Variants in LRWD1 observed in about 807,000 individuals in gnomAD.
LRWD1 encodes the protein leucine-rich repeat and WD repeat-containing protein 1.
In LRWD1, 76 loss-of-function variants were observed where a neutral mutation model predicts 75.6. That is an observed-to-expected ratio of 1.01 (90% CI 0.84 to 1.22). The LOEUF (loss-of-function observed/expected upper bound fraction) is 1.22, where lower values mean the gene tolerates loss of function less well. Ranked by LOEUF, LRWD1 falls within the 50% of genes most tolerant of loss-of-function variation. The pLI is 0.00. For missense variants in LRWD1, 917 were observed against 862.0 expected (o/e 1.06, Z -0.80); for synonymous variants, 487 against 377.0 (o/e 1.29, Z -3.38).
Position 102,465,955 on chromosome 7 carries a change from C to T in LRWD1, c.219C>T (p.Val73=), listed in dbSNP as rs1310846249. 1.2e-6 allele frequency: 2 copies of T among 1,613,838 alleles called. No individual in the cohort carries two copies. The highest frequency in any genetic ancestry group is 1.7e-5 in the Admixed American group (1 of 60,006). Residue 73 remains valine, a synonymous_variant, in exon 2 of 15, where the codon GTC becomes GTT. Transcript: ENST00000292616. ...PDNLGLSHLR[V]LRCANNQLGD... is the part of the protein sequence containing the mutation. The stretch of plus-strand genomic sequence containing the variant: ...ACCTGGGCCTGTCCCACCTGCGTGT[C>T]CTCCGCTGCGCCAACAACCAGCTGG...
rs199913537 is a variant in LRWD1, at chr7:102,472,672, C to G, written c.1691-20C>G. The G allele has an allele frequency of 6.2e-7, 1 of 1,613,302 alleles. No individual in the cohort carries two copies. ...TCCGGGAGCTCTGCCCCCACTCAGA[C>G]TCCACCTCTGTCCCGGCAGATAAGG... On this transcript the variant is annotated intron_variant, in intron 13 of 14. Coordinates refer to ENST00000292616, the MANE Select transcript of LRWD1 (RefSeq NM_152892.3).
chr7:102,465,072 C>T lies in LRWD1; in HGVS notation c.-9C>T. 2 of 1,483,094 alleles carry T rather than the reference C, an allele frequency of 1.3e-6. No individual in the cohort carries two copies. The highest frequency in any genetic ancestry group is 1.8e-6 in the Non-Finnish European group (2 of 1,118,384). 91.9% of individuals were successfully genotyped at this position (1,483,094 alleles called of 1,614,324 possible). A position where few individuals can be genotyped will look rare whatever the true frequency, so the allele number is the denominator to read the frequency against. On this transcript the variant is annotated 5_prime_UTR_variant, in exon 1 of 15. Transcript: ENST00000292616. ...CCGACTGGGTCAGCGCGGGCTGCGCCTCCTCGCCATGGGCCCCCTCTCGGC... is the reference window on the plus strand; with the variant it reads ...CCGACTGGGTCAGCGCGGGCTGCGCTTCCTCGCCATGGGCCCCCTCTCGGC...
intron 7 of LRWD1, 81 bp from the exon 8 acceptor site, chr7:102,468,473 A>G: frequency 6.5e-7 from 1 of 1,540,566 alleles, no homozygotes; most frequent in Non-Finnish European, 8.8e-7. Context: ...GGCGCCATCA[A>G]GGCTGGGAGG....
rs757234013 is a variant in LRWD1 at position 102,472,527 on chromosome 7, G to A, written c.1608G>A (p.Gln536=). 6.3e-7 allele frequency: 1 copy of A among 1,577,318 alleles called. No individual in the cohort carries two copies. Among genetic ancestry groups the A allele is most frequent in the Non-Finnish European group, 8.6e-7 (1 of 1,163,118 alleles). ...WRQTWGGRGS[Q]STVAVVVLAR... is the part of the protein sequence containing the mutation. ...AGACGTGGGGGGGCCGGGGCAGCCA[G>A]TCCACGGTGGCAGTGGTGGTCCTGG... is the stretch of plus-strand genomic sequence containing the variant. Residue 536 remains glutamine, a synonymous_variant, in exon 13 of 15, where the codon CAG becomes CAA. Coordinates refer to ENST00000292616, the MANE Select transcript of LRWD1 (RefSeq NM_152892.3).
chr7:102,467,176 G>GTGTGTATGTGTA (rs1563654278), intron 3 of LRWD1, among the ~76,000 whole-genome samples, 163 bp from the exon 4 acceptor site: 19 of 102,798 alleles, frequency 1.8e-4, no homozygotes, highest in Non-Finnish European at 4.3e-5. Flanking sequence ...TGTGGGGTGT[G>GTGTGTATGTGTA]TGTGTGTGTG....
chr7:102,467,598 C>G, intron 4 of LRWD1, 119 bp downstream of exon 4: 1 of 1,524,500 alleles, frequency 6.6e-7, no homozygotes. Context: ...GGTGGGCAGC[C>G]CTGTTGGCTG....
rs1190528497 is a variant in LRWD1, at chr7:102,473,065, A to G, written c.*16A>G. The G allele has an allele frequency of 3.1e-6, 5 of 1,598,826 alleles. No homozygotes were observed. In the African/African-American group the frequency reaches 4.0e-5, roughly 13 times the overall value. On this transcript the variant is annotated 3_prime_UTR_variant, in exon 15 of 15. Coordinates refer to ENST00000292616, the MANE Select transcript of LRWD1 (RefSeq NM_152892.3). ...GAGGATGTAGCCTCACACCATCGCA[A>G]AGGACCAGGGACACAGCTAACTAAC...
chr7:102,467,241 C>T, intron 3 of LRWD1, 98 bp from the exon 4 acceptor site: 1 of 1,303,538 alleles, frequency 7.7e-7, no homozygotes, highest in South Asian at 1.3e-5. Flanking sequence ...TTCCAGGAGG[C>T]TTCCAGCAGG....
chr7:102,467,354 G>A lies in LRWD1; in HGVS notation c.448G>A (p.Glu150Lys), dbSNP rs1249878121. ...ELTSRVTAHW[E>K]KFMATLGPEE... ...CTTGCACCAGGTCACAGCTCACTGG[G>A]AGAAGTTCATGGCCACACTGGGTCC... The change falls in exon 4 of 15, where the codon GAG becomes AAG. Residue 150 changes from glutamate to lysine, a missense_variant. Coordinates refer to ENST00000292616, the MANE Select transcript of LRWD1 (RefSeq NM_152892.3). 1.2e-6 allele frequency: 2 copies of A among 1,609,946 alleles called. No homozygotes were observed. The highest frequency in any genetic ancestry group is 1.3e-5 in the African/African-American group (1 of 74,788).
In LRWD1 at chr7:102,469,676, C is replaced by T. The variant is rs754421405; in HGVS notation, c.1301+30C>T. On this transcript the variant is annotated intron_variant, in intron 10 of 14. Coordinates refer to ENST00000292616, the MANE Select transcript of LRWD1 (RefSeq NM_152892.3). ...TGCTTCGGGTGAGGCTGGGGAGTGG[C>T]CAGCTGCTGGGGCAGGGACACCTCG... 6.8e-6 allele frequency: 11 copies of T among 1,613,862 alleles called. No individual in the cohort carries two copies. In the African/African-American group the frequency reaches 1.2e-4, roughly 18 times the overall value.
chr7:102,468,525 C>T (rs774155561), intron 7 of LRWD1, 29 bp from the exon 8 acceptor site: 5 of 1,554,474 alleles, frequency 3.2e-6, no homozygotes, highest in African/African-American at 1.4e-5. Flanking sequence ...TGTCTCTGCT[C>T]ATCCGACCTC....
intron 3 of LRWD1, among the ~76,000 whole-genome samples, 183 bp downstream of exon 3, chr7:102,466,453 C>T (rs1026070373): frequency 6.6e-6 from 1 of 152,168 alleles, no homozygotes; most frequent in Admixed American, 6.6e-5. Flanking sequence ...CTCACTCCGT[C>T]GCCCAGGCTG....
Position 102,468,375 on chromosome 7 carries a change from A to C in LRWD1, c.917A>C (p.Glu306Ala). Reference sequence around the variant, plus strand: ...TGTGCCTTCGAGCCGGCCTGGGAGGAGGGTACATGGTGGCGGGCAGGCGGG... The same window carrying C: ...TGTGCCTTCGAGCCGGCCTGGGAGGCGGGTACATGGTGGCGGGCAGGCGGG... ...WACAFEPAWEEGATSQTVATC... is the reference protein window; with the variant it reads ...WACAFEPAWEAGATSQTVATC... The change falls in exon 7 of 15, where the codon GAG becomes GCG. Residue 306 changes from glutamate to alanine, a missense_variant and splice_region_variant. By Grantham distance (107) the Glu-to-Ala change is moderately radical. Coordinates refer to ENST00000292616, the MANE Select transcript of LRWD1 (RefSeq NM_152892.3). 1 of 1,604,714 alleles carries C rather than the reference A, an allele frequency of 6.2e-7. No homozygotes were observed. Among genetic ancestry groups the C allele is most frequent in the Non-Finnish European group, 8.5e-7 (1 of 1,176,264 alleles).
Position 102,469,081 on chromosome 7 carries a change from C to T in LRWD1, c.1228+19C>T, listed in dbSNP as rs966660735. 7 of 1,562,988 alleles carry T rather than the reference C, an allele frequency of 4.5e-6. No homozygotes were observed. The highest frequency in any genetic ancestry group is 6.1e-6 in the Non-Finnish European group (7 of 1,151,418). ...CTCTTCAGTAAGCCCCTCCCCTTCACCCCTGGGACCCCCAAGCACCCCTGT... is the reference window on the plus strand; with the variant it reads ...CTCTTCAGTAAGCCCCTCCCCTTCATCCCTGGGACCCCCAAGCACCCCTGT... On this transcript the variant is annotated intron_variant, in intron 9 of 14. Coordinates refer to ENST00000292616, the MANE Select transcript of LRWD1 (RefSeq NM_152892.3).
At chr7:102,469,423 C>A (rs1798119041) in intron 9 of LRWD1, 151 bp from the exon 10 acceptor site, 1 of 832,888 alleles carries the variant, frequency 1.2e-6, no homozygotes, top group Non-Finnish European at 1.9e-6. Context: ...GGATTGGGGG[C>A]CCAGGAGTGT....
At position 102,469,808 on chromosome 7, in the gene LRWD1, C is replaced by A; in HGVS notation, c.1368C>A (p.Asp456Glu). 6.2e-7 allele frequency: 1 copy of A among 1,607,722 alleles called. No individual in the cohort carries two copies. The highest frequency in any genetic ancestry group is 8.5e-7 in the Non-Finnish European group (1 of 1,177,232). ...TCTGCCCTGTCGCCTCCTGCCCGGA[C>A]GCCCGCCTGCTGGCCGGCTGCGAGG... is the stretch of plus-strand genomic sequence containing the variant. ...LRLCPVASCP[D>E]ARLLAGCEGG... The change falls in exon 11 of 15, where the codon GAC becomes GAA. Residue 456 changes from aspartate (D) to glutamate (E), a missense_variant. By Grantham distance (45) the Asp-to-Glu change is conservative (BLOSUM62 2). Coordinates refer to ENST00000292616, the MANE Select transcript of LRWD1 (RefSeq NM_152892.3).
intron 4 of LRWD1, 74 bp from the exon 5 acceptor site, chr7:102,467,645 C>T: frequency 6.6e-7 from 1 of 1,513,804 alleles, no homozygotes; most frequent in Non-Finnish European, 9.0e-7. Context: ...CATAAGCTCC[C>T]CCTGACTATG....
chr7:102,469,681 T>C, intron 10 of LRWD1, 35 bp downstream of exon 10: 1 of 1,614,044 alleles, frequency 6.2e-7, no homozygotes, highest in South Asian at 1.1e-5. Flanking sequence ...AGTGGCCAGC[T>C]GCTGGGGCAG....
At chr7:102,469,446 G>A in intron 9 of LRWD1, 128 bp from the exon 10 acceptor site, 1 of 1,043,518 alleles carries the variant, frequency 9.6e-7, no homozygotes, top group Non-Finnish European at 1.4e-6. Context: ...CTGTCTCCTA[G>A]CCTCGGCCCG....
Sources: allele counts gnomAD v4.1 joint callset (sites outside exome capture counted in the v4.1 genomes callset), GRCh38; gene constraint gnomAD v4.1.1; transcripts MANE v1.5; gene names NCBI Gene and HGNC (gene_info 2026-07-23, HGNC 2026-07-21).